Variants in ZNF804A observed in about 807,000 individuals in gnomAD.
ZNF804A encodes the protein zinc finger protein 804A.
ZNF804A carries 2 observed loss-of-function variants against 16.5 expected under a neutral mutation model. The ratio of observed to expected loss-of-function variants is 0.12; its 90% CI spans 0.05 to 0.38. ZNF804A has a LOEUF of 0.38. Among genes scored for constraint, ZNF804A ranks in the 10% least tolerant of loss-of-function variants. The pLI is 0.99. For synonymous variants in ZNF804A, 534 were observed against 489.6 expected (o/e 1.09, Z -1.20); for missense variants, 1,473 against 1,390.7 (o/e 1.06, Z -0.94).
At chr2:184,921,388 A>G (rs1220380265) in intron 2 of ZNF804A, among the ~76,000 whole-genome samples, 5 of 152,178 alleles carry the variant, frequency 3.3e-5, no homozygotes, top group Non-Finnish European at 4.4e-5. Flanking sequence ...GTATTTGTGC[A>G]TAGAAGATCA....
chr2:184,910,037 T>C (rs985051145), intron 2 of ZNF804A, among the ~76,000 whole-genome samples: 2 of 152,008 alleles, frequency 1.3e-5, no homozygotes, highest in Non-Finnish European at 2.9e-5. Flanking sequence ...TAGATGTATT[T>C]AGATTTGTTA....
At chr2:184,931,299 C>T (rs141024143) in intron 2 of ZNF804A, among the ~76,000 whole-genome samples, 14 of 152,330 alleles carry the variant, frequency 9.2e-5, no homozygotes, top group East Asian at 1.9e-4. Context: ...CCCTTCTGCA[C>T]GGCCCTAGCA....
intron 1 of ZNF804A, among the ~76,000 whole-genome samples, chr2:184,850,075 A>G (rs1695578758): frequency 6.6e-6 from 1 of 151,892 alleles, no homozygotes; most frequent in Non-Finnish European, 1.5e-5. Context: ...AGGGAAGGGT[A>G]GTAGGGAGTG....
chr2:184,635,358 G>T (rs1052676799), intron 1 of ZNF804A, among the ~76,000 whole-genome samples: 1 of 152,080 alleles, frequency 6.6e-6, no homozygotes, highest in South Asian at 2.1e-4. Flanking sequence ...GTATTATAAA[G>T]CTGTCTACTT....
chr2:184,936,503 C>T lies in ZNF804A; in HGVS notation c.1107C>T (p.Cys369=), dbSNP rs1685790327. The change falls in exon 4 of 4, where the codon TGC becomes TGT. Residue 369 remains cysteine (C), a synonymous_variant. Transcript: ENST00000302277. ...CAGTTCTTGACATGTCTAATGATTG[C>T]ATATCTGTGCAAGCTACCACAGAGG... ...KSTVLDMSND[C]ISVQATTEEN... The T allele has an allele frequency of 1.2e-6, 2 of 1,613,874 alleles. No individual in the cohort carries two copies. The highest frequency in any genetic ancestry group is 1.7e-5 in the Admixed American group (1 of 59,970).
At chr2:184,690,339 T>C (rs1432670285) in intron 1 of ZNF804A, among the ~76,000 whole-genome samples, 1 of 152,010 alleles carries the variant, frequency 6.6e-6, no homozygotes, top group Non-Finnish European at 1.5e-5. Flanking sequence ...AACCATCAAG[T>C]AAAGATTATG....
At position 184,767,779 on chromosome 2, in the gene ZNF804A, C is replaced by T. The variant is rs186428769; in HGVS notation, c.112-98590C>T. Among the ~76,000 whole-genome samples the T allele has an allele frequency of 7.9e-5, 12 of 152,148 alleles. No individual in the cohort carries two copies. In the East Asian group the frequency reaches 2.3e-3, roughly 29 times the overall value. Reference sequence around the variant, plus strand: ...AAAAATGTAAGGAATTACAAGGAGTCTACCTTCTTAAAAAGTTCAAAGGGA... The same window carrying T: ...AAAAATGTAAGGAATTACAAGGAGTTTACCTTCTTAAAAAGTTCAAAGGGA... On this transcript the variant is annotated intron_variant, in intron 1 of 3. Coordinates refer to ENST00000302277, the MANE Select transcript of ZNF804A (RefSeq NM_194250.2).
intron 2 of ZNF804A, among the ~76,000 whole-genome samples, chr2:184,874,729 T>A (rs1018529935): frequency 2.0e-5 from 3 of 152,180 alleles, no homozygotes; most frequent in Non-Finnish European, 4.4e-5. Flanking sequence ...TTCTCTTTTA[T>A]CATCTGCCCA....
chr2:184,730,085 T>C (rs1236460952), intron 1 of ZNF804A, among the ~76,000 whole-genome samples: 1 of 152,156 alleles, frequency 6.6e-6, no homozygotes, highest in East Asian at 1.9e-4. Flanking sequence ...TAAGAGATTA[T>C]TTTGGTAAAA....
chr2:184,935,686 A>T (rs960951901), intron 3 of ZNF804A, 97 bp from the exon 4 acceptor site: 2 of 1,387,320 alleles, frequency 1.4e-6, no homozygotes, highest in Non-Finnish European at 1.9e-6. Flanking sequence ...TAAAATTTGA[A>T]AAAATATTAT....
At chr2:184,879,079 A>C (rs1018085375) in intron 2 of ZNF804A, among the ~76,000 whole-genome samples, 1 of 152,014 alleles carries the variant, frequency 6.6e-6, no homozygotes, top group African/African-American at 2.4e-5. Flanking sequence ...ATACTACTAC[A>C]AACAAAATGA....
At position 184,813,016 on chromosome 2, in the gene ZNF804A, A is replaced by T. The variant is rs79535967; in HGVS notation, c.112-53353A>T. Among the ~76,000 whole-genome samples the T allele has an allele frequency of 3.4e-3, 512 of 152,296 alleles. 5 individuals are homozygous for T. The highest frequency in any genetic ancestry group is 0.012 in the African/African-American group (481 of 41,570). On this transcript the variant is annotated intron_variant, in intron 1 of 3. Coordinates refer to ENST00000302277, the MANE Select transcript of ZNF804A (RefSeq NM_194250.2). ...TGCCAAAATAAATATTCAGTCATAT[A>T]TAAGCTGCTTGTTTGTGTTATAGTG...
intron 1 of ZNF804A, among the ~76,000 whole-genome samples, chr2:184,686,668 A>T (rs868039149): frequency 6.6e-6 from 1 of 152,212 alleles, no homozygotes; most frequent in Non-Finnish European, 1.5e-5. Flanking sequence ...CCAACAGTAT[A>T]TAAGTATTTC....
intron 1 of ZNF804A, among the ~76,000 whole-genome samples, chr2:184,781,741 C>T (rs1351843850): frequency 1.3e-5 from 2 of 151,672 alleles, no homozygotes; most frequent in African/African-American, 2.4e-5. Flanking sequence ...TTTTTTGCAT[C>T]ATCTTTGTGC....
intron 1 of ZNF804A, among the ~76,000 whole-genome samples, chr2:184,637,812 T>G (rs565217393): frequency 3.9e-5 from 6 of 152,060 alleles, no homozygotes; most frequent in African/African-American, 7.2e-5. Flanking sequence ...AGCTTGAGGG[T>G]GCAATTAAAT....
At chr2:184,710,725 C>T (rs992250576) in intron 1 of ZNF804A, among the ~76,000 whole-genome samples, 2 of 151,746 alleles carry the variant, frequency 1.3e-5, no homozygotes, top group African/African-American at 4.8e-5. Flanking sequence ...ATGAATTTGA[C>T]TGTGTTAGAT....
At chr2:184,842,118 G>C (rs1316681300) in intron 1 of ZNF804A, among the ~76,000 whole-genome samples, 1 of 152,120 alleles carries the variant, frequency 6.6e-6, no homozygotes, top group Non-Finnish European at 1.5e-5. Context: ...AAGTTAAAAT[G>C]CTTCTCTTTT....
intron 1 of ZNF804A, among the ~76,000 whole-genome samples, chr2:184,642,751 T>C (rs1311029960): frequency 1.3e-5 from 2 of 152,134 alleles, no homozygotes; most frequent in Non-Finnish European, 2.9e-5. Flanking sequence ...TTATAGAAGC[T>C]CTTGTGTGCC....
intron 2 of ZNF804A, among the ~76,000 whole-genome samples, chr2:184,928,048 G>T (rs1483267592): frequency 1.3e-5 from 2 of 151,956 alleles, no homozygotes; most frequent in South Asian, 2.1e-4. Context: ...AGCAGAGGAA[G>T]TCTCTCCCCA....
Sources: allele counts gnomAD v4.1 joint callset (sites outside exome capture counted in the v4.1 genomes callset), GRCh38; gene constraint gnomAD v4.1.1; transcripts MANE v1.5; gene names NCBI Gene and HGNC (gene_info 2026-07-23, HGNC 2026-07-21).